Variants in ZMIZ1 observed in about 807,000 individuals in gnomAD.
ZMIZ1 encodes zinc finger MIZ domain-containing protein 1.
ZMIZ1 carries 17 observed loss-of-function variants against 113.9 expected under a neutral mutation model. The ratio of observed to expected loss-of-function variants is 0.15; its 90% CI spans 0.10 to 0.22. ZMIZ1 has a LOEUF of 0.22. Among genes scored for constraint, ZMIZ1 ranks in the 10% least tolerant of loss-of-function variants. ZMIZ1 has a pLI of 1.00. For synonymous variants in ZMIZ1, 607 were observed against 603.1 expected (o/e 1.01, Z -0.09); for missense variants, 1,059 against 1,477.8 (o/e 0.72, Z 4.65).
chr10:79,297,813 C>G (rs950199918), intron 14 of ZMIZ1, 123 bp downstream of exon 14: 2 of 771,518 alleles, frequency 2.6e-6, no homozygotes, highest in East Asian at 2.7e-5. Flanking sequence ...GGTGCACTCC[C>G]TGGTCCCCTG....
chr10:79,164,769 C>T (rs1040945290), intron 4 of ZMIZ1, among the ~76,000 whole-genome samples: 14 of 152,150 alleles, frequency 9.2e-5, no homozygotes, highest in Admixed American at 6.5e-4. Context: ...GCTGGGGTTG[C>T]GGCTGTATGG....
intron 7 of ZMIZ1, among the ~76,000 whole-genome samples, chr10:79,266,278 C>T (rs1322603166): frequency 6.6e-6 from 1 of 152,178 alleles, no homozygotes; most frequent in Non-Finnish European, 1.5e-5. Flanking sequence ...TGCCTGCTCT[C>T]AGACATGATG....
intron 1 of ZMIZ1, among the ~76,000 whole-genome samples, chr10:79,111,494 G>T (rs981923002): frequency 6.6e-6 from 1 of 152,228 alleles, no homozygotes; most frequent in Non-Finnish European, 1.5e-5. Context: ...CTTTCCTCTC[G>T]ATGGCTAGTG....
intron 7 of ZMIZ1, among the ~76,000 whole-genome samples, chr10:79,274,545 C>T (rs1320575892): frequency 1.3e-5 from 2 of 152,254 alleles, no homozygotes; most frequent in African/African-American, 2.4e-5. Flanking sequence ...CATTAACCCA[C>T]GTTTGCCTCA....
At chr10:79,197,118 C>T (rs993268982) in intron 4 of ZMIZ1, among the ~76,000 whole-genome samples, 7 of 152,252 alleles carry the variant, frequency 4.6e-5, no homozygotes, top group Non-Finnish European at 7.3e-5. Context: ...GAAGGCCTGC[C>T]GGGCATGAGG....
intron 8 of ZMIZ1, among the ~76,000 whole-genome samples, chr10:79,283,210 G>A (rs920053504): frequency 6.6e-6 from 1 of 152,230 alleles, no homozygotes; most frequent in Non-Finnish European, 1.5e-5. Context: ...CCCCAACAGA[G>A]AGGCTTCTGG....
chr10:79,099,463 C>T (rs764730346), intron 1 of ZMIZ1, among the ~76,000 whole-genome samples: 2 of 152,178 alleles, frequency 1.3e-5, no homozygotes, highest in African/African-American at 2.4e-5. Flanking sequence ...GGTTGCAAGG[C>T]CCCCCAGGGC....
At chr10:79,280,568 C>T (rs1482207234) in intron 8 of ZMIZ1, among the ~76,000 whole-genome samples, 2 of 133,688 alleles carry the variant, frequency 1.5e-5, no homozygotes, top group African/African-American at 5.2e-5. Context: ...CACCACTACA[C>T]CTGTCTGACA....
chr10:79,159,976 C>T (rs990553462), intron 3 of ZMIZ1, among the ~76,000 whole-genome samples: 14 of 152,362 alleles, frequency 9.2e-5, no homozygotes, highest in Middle Eastern at 3.4e-3. Flanking sequence ...GGCCGATGCT[C>T]ACTGGGGAGC....
Position 79,314,006 on chromosome 10 carries a change from G to A in ZMIZ1, c.*1257G>A, listed in dbSNP as rs2997468. ...TGCACCAGTATGTACCTGCAGGCAT[G>A]GGGGGGAGGGGGGCGTGTTTCTGGG... On this transcript the variant is annotated 3_prime_UTR_variant, in exon 25 of 25. Coordinates refer to ENST00000334512, the MANE Select transcript of ZMIZ1 (RefSeq NM_020338.4). 1 of 455,384 alleles carries A rather than the reference G, an allele frequency of 2.2e-6. No individual in the cohort carries two copies. Among genetic ancestry groups the A allele is most frequent in the Non-Finnish European group, 4.4e-6 (1 of 226,492 alleles). 28.2% of individuals were successfully genotyped at this position (455,384 alleles called of 1,614,324 possible). A position where few individuals can be genotyped will look rare whatever the true frequency, so the allele number is the denominator to read the frequency against.
chr10:79,298,719 G>T (rs1333934757), intron 15 of ZMIZ1, 139 bp downstream of exon 15: 4 of 830,212 alleles, frequency 4.8e-6, no homozygotes, highest in South Asian at 1.8e-5. Context: ...ATACCCAGGG[G>T]CACACTCAAG....
intron 1 of ZMIZ1, among the ~76,000 whole-genome samples, chr10:79,114,234 G>A (rs960027072): frequency 6.6e-6 from 1 of 152,196 alleles, no homozygotes; most frequent in African/African-American, 2.4e-5. Context: ...AGAGCTGAGA[G>A]CTGTTTAATT....
chr10:79,180,869 A>C (rs1006613321), intron 4 of ZMIZ1, among the ~76,000 whole-genome samples: 1 of 152,246 alleles, frequency 6.6e-6, no homozygotes, highest in Non-Finnish European at 1.5e-5. Flanking sequence ...GGGCCAGCAC[A>C]CCTGCACACG....
intron 1 of ZMIZ1, among the ~76,000 whole-genome samples, chr10:79,117,119 C>T (rs1844067488): frequency 6.6e-6 from 1 of 152,268 alleles, no homozygotes; most frequent in Admixed American, 6.5e-5. Flanking sequence ...CAGACACCTC[C>T]CTCCATGGCC....
At chr10:79,167,663 G>A (rs1252469196) in intron 4 of ZMIZ1, among the ~76,000 whole-genome samples, 1 of 152,196 alleles carries the variant, frequency 6.6e-6, no homozygotes, top group East Asian at 1.9e-4. Flanking sequence ...AGGCTGCCCT[G>A]TACTTCATGC....
In ZMIZ1 at chr10:79,162,136, A is replaced by T; in HGVS notation, c.-50+3A>T. On this transcript the variant is annotated splice_donor_region_variant and intron_variant, in intron 4 of 24. Coordinates refer to ENST00000334512, the MANE Select transcript of ZMIZ1 (RefSeq NM_020338.4). ...CTGGTGGTTTGCAGATCACTGAGGT[A>T]GGTGTGCCACGGGGCTGGCGGGAGG... The T allele has an allele frequency of 2.5e-6, 1 of 399,552 alleles. No homozygotes were observed. Among genetic ancestry groups the T allele is most frequent in the Non-Finnish European group, 4.4e-6 (1 of 226,422 alleles). 24.8% of individuals were successfully genotyped at this position (399,552 alleles called of 1,614,324 possible). A position where few individuals can be genotyped will look rare whatever the true frequency, so the allele number is the denominator to read the frequency against.
At chr10:79,071,795 G>C (rs1842293212) in intron 1 of ZMIZ1, among the ~76,000 whole-genome samples, 1 of 152,202 alleles carries the variant, frequency 6.6e-6, no homozygotes, top group Non-Finnish European at 1.5e-5. Flanking sequence ...CCCAGGGAAT[G>C]CATTTGGAGG....
At chr10:79,181,751 T>C (rs182087947) in intron 4 of ZMIZ1, among the ~76,000 whole-genome samples, 23 of 152,196 alleles carry the variant, frequency 1.5e-4, no homozygotes, top group African/African-American at 5.5e-4. Context: ...CCCTCCCTGC[T>C]CTTCTCTCTC....
At chr10:79,094,804 C>T (rs59150786) in intron 1 of ZMIZ1, among the ~76,000 whole-genome samples, 1 of 152,184 alleles carries the variant, frequency 6.6e-6, no homozygotes, top group African/African-American at 2.4e-5. Flanking sequence ...CAAAAACTAG[C>T]TGAGCATGGT....
Sources: allele counts gnomAD v4.1 joint callset (sites outside exome capture counted in the v4.1 genomes callset), GRCh38; gene constraint gnomAD v4.1.1; transcripts MANE v1.5; gene names NCBI Gene and HGNC (gene_info 2026-07-23, HGNC 2026-07-21).